The following MAGI2 variants were observed in gnomAD, a reference collection of about 807,000 sequenced individuals.
MAGI2 encodes membrane associated guanylate kinase, WW and PDZ domain containing 2, also known as membrane-associated guanylate kinase, WW and PDZ domain-containing protein 2.
Under a neutral mutation model 133.3 loss-of-function variants are expected in MAGI2, and 35 were observed. That is an observed-to-expected ratio of 0.26 (90% CI 0.20 to 0.35). MAGI2 has a LOEUF of 0.35. Among genes scored for constraint, MAGI2 ranks in the 10% least tolerant of loss-of-function variants. The pLI, the probability that MAGI2 is intolerant of heterozygous loss-of-function variation, is 1.00. For synonymous variants in MAGI2, 729 were observed against 710.6 expected (o/e 1.03, Z -0.41); for missense variants, 1,636 against 1,863.4 (o/e 0.88, Z 2.25).
intron 1 of MAGI2, among the ~76,000 whole-genome samples, chr7:79,215,740 C>T: frequency 6.6e-6 from 1 of 151,900 alleles, no homozygotes; most frequent in Non-Finnish European, 1.5e-5. Flanking sequence ...CTTCTGTCCC[C>T]CTAAAATGTA....
chr7:78,138,566 T>C (rs1221429772), intron 16 of MAGI2, among the ~76,000 whole-genome samples: 1 of 151,484 alleles, frequency 6.6e-6, no homozygotes, highest in Non-Finnish European at 1.5e-5. Flanking sequence ...TCTCCTCTAT[T>C]ACTGTAGATC....
intron 2 of MAGI2, among the ~76,000 whole-genome samples, chr7:78,703,383 A>G (rs1818273172): frequency 6.6e-6 from 1 of 152,070 alleles, no homozygotes; most frequent in African/African-American, 2.4e-5. Context: ...AGGGTTAAAG[A>G]AAGAAATTAA....
At chr7:78,996,764 C>T (rs1364690478) in intron 2 of MAGI2, among the ~76,000 whole-genome samples, 1 of 152,184 alleles carries the variant, frequency 6.6e-6, no homozygotes, top group Non-Finnish European at 1.5e-5. Flanking sequence ...GCCAATTCTG[C>T]AGGTACTAGT....
intron 1 of MAGI2, among the ~76,000 whole-genome samples, chr7:79,189,696 C>T (rs1037996903): frequency 1.3e-5 from 2 of 151,718 alleles, no homozygotes; most frequent in African/African-American, 4.8e-5. Flanking sequence ...CGGATTTTGA[C>T]AAATGTATGA....
chr7:79,360,810 G>C (rs533265202), intron 1 of MAGI2, among the ~76,000 whole-genome samples: 8 of 151,788 alleles, frequency 5.3e-5, no homozygotes, highest in Non-Finnish European at 8.8e-5. Flanking sequence ...ATTAGTAACA[G>C]GAAAGAAGAA....
chr7:79,005,023 A>G (rs1009571290), intron 2 of MAGI2, among the ~76,000 whole-genome samples: 3 of 151,818 alleles, frequency 2.0e-5, no homozygotes, highest in African/African-American at 7.3e-5. Flanking sequence ...CAGAGGTTGC[A>G]GTGAGCTGAG....
intron 1 of MAGI2, among the ~76,000 whole-genome samples, chr7:79,050,235 T>A (rs1156560114): frequency 6.6e-6 from 1 of 152,194 alleles, no homozygotes; most frequent in Non-Finnish European, 1.5e-5. Context: ...AAATGATCAT[T>A]AGACCCTTCT....
intron 1 of MAGI2, among the ~76,000 whole-genome samples, chr7:79,391,832 C>T (rs7456591): frequency 1.5e-4 from 23 of 151,586 alleles, no homozygotes; most frequent in Admixed American, 2.6e-4. Context: ...TACAGGCGCA[C>T]GCCACCACAC....
At chr7:78,414,618 T>C (rs1798139797) in intron 6 of MAGI2, among the ~76,000 whole-genome samples, 1 of 152,060 alleles carries the variant, frequency 6.6e-6, no homozygotes, top group Non-Finnish European at 1.5e-5. Flanking sequence ...ACACATGCTG[T>C]TGTACACATA....
intron 2 of MAGI2, among the ~76,000 whole-genome samples, chr7:78,690,490 G>A (rs1816840510): frequency 6.6e-6 from 1 of 152,172 alleles, no homozygotes; most frequent in Non-Finnish European, 1.5e-5. Context: ...TTGAGAATGT[G>A]AGCCACTCAC....
chr7:78,241,708 G>A (rs922066899), intron 10 of MAGI2, among the ~76,000 whole-genome samples: 3 of 152,096 alleles, frequency 2.0e-5, no homozygotes. Context: ...TGAGGTGGGT[G>A]AATCACTTGA....
intron 7 of MAGI2, among the ~76,000 whole-genome samples, chr7:78,351,280 G>A (rs1008571981): frequency 1.4e-4 from 21 of 152,046 alleles, no homozygotes; most frequent in African/African-American, 5.1e-4. Context: ...GCTTAGGTGG[G>A]CAGATTGCCT....
chr7:79,310,825 C>G (rs962677805), intron 1 of MAGI2, among the ~76,000 whole-genome samples: 1 of 152,096 alleles, frequency 6.6e-6, no homozygotes, highest in East Asian at 1.9e-4. Context: ...ATTCTCTCAT[C>G]TACTGAAGAT....
chr7:79,048,395 ATGT>A (rs1219861692), intron 1 of MAGI2, among the ~76,000 whole-genome samples: 2 of 152,172 alleles, frequency 1.3e-5, no homozygotes, highest in Non-Finnish European at 2.9e-5. Flanking sequence ...CTCCAATTGA[ATGT>A]TGTTGTGTGA....
chr7:78,305,081 C>T (rs967962380), intron 9 of MAGI2, among the ~76,000 whole-genome samples: 3 of 152,184 alleles, frequency 2.0e-5, no homozygotes, highest in African/African-American at 7.2e-5. Context: ...ACAACTTTAT[C>T]CTGAGAATTC....
intron 2 of MAGI2, among the ~76,000 whole-genome samples, chr7:78,692,579 C>T (rs141010006): frequency 6.6e-6 from 1 of 152,294 alleles, no homozygotes; most frequent in Non-Finnish European, 1.5e-5. Flanking sequence ...TCTGGTTAGA[C>T]AATAACCAGG....
intron 1 of MAGI2, among the ~76,000 whole-genome samples, chr7:79,452,254 C>A (rs905414769): frequency 2.0e-5 from 3 of 152,170 alleles, no homozygotes; most frequent in African/African-American, 7.2e-5. Context: ...CTCCTCCGAC[C>A]CCCGCCCAGC....
At chr7:78,865,846 A>G (rs544350151) in intron 2 of MAGI2, among the ~76,000 whole-genome samples, 2 of 152,308 alleles carry the variant, frequency 1.3e-5, no homozygotes, top group East Asian at 3.9e-4. Flanking sequence ...TATTATAGTC[A>G]GGGAGGGAGG....
chr7:78,376,151 T>G (rs1199962922), intron 6 of MAGI2, among the ~76,000 whole-genome samples: 1 of 152,150 alleles, frequency 6.6e-6, no homozygotes, highest in African/African-American at 2.4e-5. Context: ...CCTTTTTCCA[T>G]GTATCAAGGT....
Sources: allele counts gnomAD v4.1 joint callset (sites outside exome capture counted in the v4.1 genomes callset), GRCh38; gene constraint gnomAD v4.1.1; transcripts MANE v1.5; gene names NCBI Gene and HGNC (gene_info 2026-07-23, HGNC 2026-07-21).